The following VPS13B variants were observed in gnomAD, a reference collection of about 807,000 sequenced individuals.
The protein encoded by VPS13B is intermembrane lipid transfer protein VPS13B.
In VPS13B, 285 loss-of-function variants were observed where a neutral mutation model predicts 426.4. The ratio of observed to expected loss-of-function variants is 0.67; its 90% CI spans 0.61 to 0.74. VPS13B has a LOEUF of 0.74. Ranked by LOEUF, VPS13B falls within the 30% of genes least tolerant of loss-of-function variation. VPS13B has a pLI of 0.00. For synonymous variants in VPS13B, 1,676 were observed against 1,676.4 expected (o/e 1.00, Z 0.01); for missense variants, 4,537 against 4,782.6 (o/e 0.95, Z 1.51).
chr8:99,065,351 G>T (rs539350453), intron 3 of VPS13B, among the ~76,000 whole-genome samples: 28 of 152,274 alleles, frequency 1.8e-4, no homozygotes, highest in African/African-American at 5.8e-4. Context: ...TGCAAGGCTG[G>T]TTCAGCATAC....
intron 31 of VPS13B, among the ~76,000 whole-genome samples, chr8:99,559,329 G>A (rs1824767187): frequency 6.6e-6 from 1 of 152,154 alleles, no homozygotes; most frequent in Non-Finnish European, 1.5e-5. Flanking sequence ...TAGATAGATT[G>A]CAAAAATGTT....
At chr8:99,610,810 T>G (rs560800358) in intron 33 of VPS13B, among the ~76,000 whole-genome samples, 68 of 152,284 alleles carry the variant, frequency 4.5e-4, no homozygotes, top group African/African-American at 1.6e-3. Context: ...GGAAATTAGT[T>G]TTTTACTTAT....
intron 6 of VPS13B, among the ~76,000 whole-genome samples, chr8:99,112,996 C>CTTCTT (rs1245297714): frequency 2.0e-5 from 3 of 152,036 alleles, no homozygotes; most frequent in African/African-American, 7.2e-5. Flanking sequence ...TTATTTCTTT[C>CTTCTT]TTCTTTTCTT....
At chr8:99,679,313 C>G (rs1032385155) in intron 35 of VPS13B, among the ~76,000 whole-genome samples, 1 of 152,022 alleles carries the variant, frequency 6.6e-6, no homozygotes, top group Non-Finnish European at 1.5e-5. Context: ...AAAAAAGATA[C>G]AAAATTGTTG....
At chr8:99,368,232 C>T (rs943243025) in intron 19 of VPS13B, among the ~76,000 whole-genome samples, 1 of 152,138 alleles carries the variant, frequency 6.6e-6, no homozygotes, top group African/African-American at 2.4e-5. Flanking sequence ...TTGACCATTC[C>T]TTAATTTCCT....
chr8:99,367,975 G>A (rs955816347), intron 19 of VPS13B, among the ~76,000 whole-genome samples: 3 of 152,154 alleles, frequency 2.0e-5, no homozygotes, highest in Admixed American at 6.6e-5. Flanking sequence ...TTTTTAAAGG[G>A]ATTGGGGAAG....
intron 39 of VPS13B, among the ~76,000 whole-genome samples, chr8:99,731,204 G>T (rs1833585648): frequency 6.6e-6 from 1 of 152,166 alleles, no homozygotes; most frequent in African/African-American, 2.4e-5. Flanking sequence ...TCATTCCATG[G>T]TGGGAAAAGA....
Position 99,818,819 on chromosome 8 carries a change from G to C in VPS13B, c.8552G>C (p.Gly2851Ala). ...LGLSETQIIP[G>A]KGQEKPLQNI... Reference sequence around the variant, plus strand: ...TTGAGTGAAACACAAATTATTCCAGGAAAAGGGCAGGAAAAACCACTGCAA... The same window carrying C: ...TTGAGTGAAACACAAATTATTCCAGCAAAAGGGCAGGAAAAACCACTGCAA... Residue 2851 changes from glycine to alanine, a missense_variant, in exon 47 of 62, where the codon GGA becomes GCA. Coordinates refer to ENST00000357162, the MANE Select transcript of VPS13B (RefSeq NM_152564.5). The C allele has an allele frequency of 6.2e-7, 1 of 1,613,980 alleles. No individual in the cohort carries two copies. Among genetic ancestry groups the C allele is most frequent in the African/African-American group, 1.3e-5 (1 of 75,018 alleles).
intron 54 of VPS13B, among the ~76,000 whole-genome samples, chr8:99,845,907 A>G (rs1255205603): frequency 6.6e-6 from 1 of 152,228 alleles, no homozygotes; most frequent in Non-Finnish European, 1.5e-5. Flanking sequence ...TTGGCCCACC[A>G]CTGAGCTGTG....
At chr8:99,764,902 C>G (rs906928751) in intron 39 of VPS13B, among the ~76,000 whole-genome samples, 1 of 152,040 alleles carries the variant, frequency 6.6e-6, no homozygotes, top group Non-Finnish European at 1.5e-5. Flanking sequence ...CACACTTGTG[C>G]TTTGGAATCT....
chr8:99,504,390 A>G (rs1483347105), intron 27 of VPS13B, among the ~76,000 whole-genome samples: 1 of 152,202 alleles, frequency 6.6e-6, no homozygotes, highest in Non-Finnish European at 1.5e-5. Context: ...AAATGGACTA[A>G]CACACTGTAG....
intron 28 of VPS13B, chr8:99,507,753 C>T (rs1821576363): frequency 6.2e-7 from 1 of 1,613,954 alleles, no homozygotes; most frequent in East Asian, 2.2e-5. Flanking sequence ...TTCTTTGCTC[C>T]TGTCCATCAC....
At chr8:99,096,895 G>A (rs781040376) in intron 4 of VPS13B, among the ~76,000 whole-genome samples, 1 of 152,142 alleles carries the variant, frequency 6.6e-6, no homozygotes, top group Non-Finnish European at 1.5e-5. Flanking sequence ...GATTACAGGT[G>A]TAAACCACTG....
intron 35 of VPS13B, among the ~76,000 whole-genome samples, chr8:99,695,184 C>T (rs1416289786): frequency 6.6e-6 from 1 of 151,316 alleles, no homozygotes; most frequent in African/African-American, 2.4e-5. Flanking sequence ...TTGACCCAGC[C>T]ATCCCATTAC....
intron 43 of VPS13B, among the ~76,000 whole-genome samples, chr8:99,787,688 G>C (rs1331251269): frequency 6.6e-6 from 1 of 152,164 alleles, no homozygotes; most frequent in African/African-American, 2.4e-5. Context: ...GCAGTTCATA[G>C]TCAAGGGAGG....
chr8:99,170,293 T>A, intron 16 of VPS13B, 130 bp downstream of exon 16: 2 of 1,154,614 alleles, frequency 1.7e-6, no homozygotes, highest in Non-Finnish European at 2.5e-6. Flanking sequence ...TCTAAACTTG[T>A]ACTTTTACTG....
At chr8:99,424,910 A>G (rs1265570092) in intron 21 of VPS13B, among the ~76,000 whole-genome samples, 1 of 152,208 alleles carries the variant, frequency 6.6e-6, no homozygotes, top group Non-Finnish European at 1.5e-5. Context: ...AGAAATACAC[A>G]CTACCATCAG....
intron 33 of VPS13B, among the ~76,000 whole-genome samples, chr8:99,599,030 T>C (rs574145978): frequency 5.3e-5 from 8 of 152,080 alleles, no homozygotes; most frequent in Non-Finnish European, 7.4e-5. Flanking sequence ...CCAGACTTTT[T>C]GCCATTATTT....
chr8:99,195,663 A>G (rs956301922), intron 17 of VPS13B, among the ~76,000 whole-genome samples: 1 of 152,156 alleles, frequency 6.6e-6, no homozygotes, highest in Non-Finnish European at 1.5e-5. Context: ...AGCTTTGTCC[A>G]TAAGTTTCTT....
Sources: allele counts gnomAD v4.1 joint callset (sites outside exome capture counted in the v4.1 genomes callset), GRCh38; gene constraint gnomAD v4.1.1; transcripts MANE v1.5; gene names NCBI Gene and HGNC (gene_info 2026-07-23, HGNC 2026-07-21).